OPCML: variants seen among roughly 807,000 people sequenced by gnomAD.
OPCML encodes the protein opioid-binding protein/cell adhesion molecule.
A neutral mutation model predicts 37.8 loss-of-function variants in OPCML; 13 were observed. The observed-to-expected ratio is 0.34, with a 90% CI of 0.22 to 0.55. The LOEUF (loss-of-function observed/expected upper bound fraction) is 0.55. Ranked by LOEUF, OPCML falls within the 20% of genes least tolerant of loss-of-function variation. OPCML has a pLI of 0.91. For missense variants in OPCML, 341 were observed against 435.6 expected (o/e 0.78, Z 1.93); for synonymous variants, 176 against 168.8 (o/e 1.04, Z -0.33).
At chr11:133,006,583 G>T in intron 1 of OPCML, 3 of 985,448 alleles carry the variant, frequency 3.0e-6, no homozygotes, top group Non-Finnish European at 3.6e-6. Context: ...GCTGTTGAAA[G>T]TTGAAAGTCG....
At chr11:132,946,815 A>C (rs1215566942) in intron 1 of OPCML, among the ~76,000 whole-genome samples, 1 of 152,158 alleles carries the variant, frequency 6.6e-6, no homozygotes, top group Non-Finnish European at 1.5e-5. Context: ...TTCATGACAC[A>C]TGTCTTTTCT....
At chr11:133,289,463 C>T (rs370540124) in intron 1 of OPCML, among the ~76,000 whole-genome samples, 97 of 150,826 alleles carry the variant, frequency 6.4e-4, no homozygotes, top group African/African-American at 2.2e-3. Context: ...GGCGTAGTGG[C>T]GGGCGCCTGT....
At chr11:133,447,712 C>T (rs1946500317) in intron 1 of OPCML, among the ~76,000 whole-genome samples, 1 of 152,176 alleles carries the variant, frequency 6.6e-6, no homozygotes, top group Non-Finnish European at 1.5e-5. Flanking sequence ...CATTCTTTTT[C>T]ATAGCTGCAT....
intron 1 of OPCML, among the ~76,000 whole-genome samples, chr11:133,414,635 C>T (rs553924570): frequency 2.4e-4 from 37 of 152,288 alleles, no homozygotes; most frequent in African/African-American, 8.9e-4. Context: ...CATCTAATCC[C>T]GCAGGCTTTG....
At chr11:132,516,468 T>C (rs1365607547) in intron 4 of OPCML, among the ~76,000 whole-genome samples, 1 of 152,156 alleles carries the variant, frequency 6.6e-6, no homozygotes, top group East Asian at 1.9e-4. Context: ...CATGTGTGTG[T>C]ACCCATTCAA....
At chr11:133,119,781 G>A (rs1030218387) in intron 1 of OPCML, among the ~76,000 whole-genome samples, 11 of 152,206 alleles carry the variant, frequency 7.2e-5, no homozygotes, top group Non-Finnish European at 1.2e-4. Context: ...AGAGGCTCAC[G>A]TGAAGTCAGG....
chr11:132,997,755 T>G (rs1946914154), intron 1 of OPCML, among the ~76,000 whole-genome samples: 2 of 152,224 alleles, frequency 1.3e-5, no homozygotes, highest in African/African-American at 2.4e-5. Flanking sequence ...CTGTGTGTTT[T>G]CCACAAATAC....
intron 2 of OPCML, among the ~76,000 whole-genome samples, chr11:132,936,270 C>T (rs7101515): frequency 0.76 from 115,123 of 152,040 alleles, 43,820 homozygotes; most frequent in Admixed American, 0.83. Context: ...CTGTCCTCTA[C>T]ATCTGGGGAG....
At chr11:132,435,836 T>G (rs189767792) in intron 7 of OPCML, among the ~76,000 whole-genome samples, 10 of 152,350 alleles carry the variant, frequency 6.6e-5, no homozygotes, top group Admixed American at 6.5e-4. Flanking sequence ...TCTACCTGAT[T>G]CACAGTTTGG....
In OPCML at chr11:132,907,811, G is replaced by A. The variant is rs185390720; in HGVS notation, c.146+35115C>T. 7.9e-5 allele frequency among the ~76,000 whole-genome samples: 12 copies of A among 152,194 alleles called. No homozygotes were observed. In the South Asian group the frequency reaches 1.0e-3, roughly 13 times the overall value. On this transcript the variant is annotated intron_variant, in intron 2 of 7. Transcript: ENST00000524381. Reference sequence around the variant, plus strand: ...CGTTGCTCTGTTACAGCACCAGCACGCTATGGTCGAGTTAGTAGTTTACAC... The same window carrying A: ...CGTTGCTCTGTTACAGCACCAGCACACTATGGTCGAGTTAGTAGTTTACAC...
At chr11:132,571,493 C>G (rs1173544559) in intron 3 of OPCML, among the ~76,000 whole-genome samples, 1 of 152,162 alleles carries the variant, frequency 6.6e-6, no homozygotes, top group Non-Finnish European at 1.5e-5. Context: ...TTTGACTACT[C>G]AGATATCTCA....
chr11:133,514,886 C>T (rs570566338), intron 1 of OPCML, among the ~76,000 whole-genome samples: 1 of 152,312 alleles, frequency 6.6e-6, no homozygotes, highest in Admixed American at 6.5e-5. Flanking sequence ...AAATCACATG[C>T]TCATTGAGAG....
At chr11:132,799,965 G>C (rs1406691361) in intron 2 of OPCML, among the ~76,000 whole-genome samples, 1 of 152,164 alleles carries the variant, frequency 6.6e-6, no homozygotes, top group Non-Finnish European at 1.5e-5. Flanking sequence ...CAGAAAATAA[G>C]TCAGCTGGGA....
intron 2 of OPCML, among the ~76,000 whole-genome samples, chr11:132,826,490 G>GA (rs1341968187): frequency 5.3e-5 from 8 of 152,042 alleles, no homozygotes; most frequent in Non-Finnish European, 8.8e-5. Flanking sequence ...GGGCAGAGGT[G>GA]AAAAAAATGT....
At chr11:133,285,848 T>TA (rs1292802712) in intron 1 of OPCML, among the ~76,000 whole-genome samples, 1 of 152,166 alleles carries the variant, frequency 6.6e-6, no homozygotes, top group Non-Finnish European at 1.5e-5. Context: ...GCACATTCTG[T>TA]AAGGCTGCAG....
At chr11:133,097,713 AGGATAGTAAAGAAATATGAACAACTCT>A (rs1949024990) in intron 1 of OPCML, among the ~76,000 whole-genome samples, 1 of 152,212 alleles carries the variant, frequency 6.6e-6, no homozygotes, top group South Asian at 2.1e-4. Context: ...GGACATTAAA[AGGATAGTAAAGAAATATGAACAACTCT>A]GTACCAACAA....
At chr11:132,566,984 T>C (rs1406163995) in intron 3 of OPCML, among the ~76,000 whole-genome samples, 1 of 151,656 alleles carries the variant, frequency 6.6e-6, no homozygotes, top group Non-Finnish European at 1.5e-5. Flanking sequence ...TTTTTTTTTT[T>C]TCCTGCAGAA....
chr11:132,756,563 CT>C (rs1370539058), intron 2 of OPCML, among the ~76,000 whole-genome samples: 3 of 152,118 alleles, frequency 2.0e-5, no homozygotes, highest in Non-Finnish European at 4.4e-5. Flanking sequence ...ACTTCATAAC[CT>C]GTTTATTGTG....
chr11:132,989,985 A>T (rs189924857), intron 1 of OPCML, among the ~76,000 whole-genome samples: 2 of 152,300 alleles, frequency 1.3e-5, no homozygotes, highest in African/African-American at 4.8e-5. Context: ...GATCAACATC[A>T]TGCAAGGGTA....
Sources: gnomAD v4.1 joint callset for allele counts (sites outside exome capture counted in the v4.1 genomes callset) on GRCh38, gnomAD v4.1.1 for gene constraint, MANE v1.5 for transcripts, NCBI Gene and HGNC (gene_info 2026-07-23, HGNC 2026-07-21) for gene names.